The following SGCD variants were observed in gnomAD, a reference collection of about 807,000 sequenced individuals.
The protein encoded by SGCD is sarcoglycan delta.
Under a neutral mutation model 36.6 loss-of-function variants are expected in SGCD, and 18 were observed. The ratio of observed to expected loss-of-function variants is 0.49; its 90% CI spans 0.34 to 0.73. The LOEUF (loss-of-function observed/expected upper bound fraction) is 0.73. SGCD is among the 30% of genes least tolerant of loss of function. The probability of loss-of-function intolerance (pLI) is 0.01; values close to 1 mark genes in which losing one functional copy is unlikely to be tolerated. For missense variants in SGCD, 387 were observed against 346.7 expected, an observed-to-expected ratio of 1.12 and a Z score of -0.92; for synonymous variants, 133 against 130.6, an observed-to-expected ratio of 1.02 and a Z score of -0.12.
chr5:156,186,603 C>T (rs1351163108), intron 3 of SGCD, among the ~76,000 whole-genome samples: 2 of 152,194 alleles, frequency 1.3e-5, no homozygotes, highest in African/African-American at 4.8e-5. Flanking sequence ...TTAATGCTCT[C>T]TCTGCTTACA....
intron 3 of SGCD, among the ~76,000 whole-genome samples, chr5:156,149,606 G>A (rs1762785845): frequency 6.6e-6 from 1 of 152,104 alleles, no homozygotes; most frequent in Admixed American, 6.5e-5. Flanking sequence ...CTTATCTTGA[G>A]ATAGATCAGT....
intron 3 of SGCD, among the ~76,000 whole-genome samples, chr5:156,379,243 A>G (rs1770847259): frequency 6.6e-6 from 1 of 152,214 alleles, no homozygotes; most frequent in African/African-American, 2.4e-5. Context: ...AAGGAGGAAA[A>G]ATAAGTCATA....
the SGCD span, among the ~76,000 whole-genome samples, chr5:155,783,823 C>G: frequency 1.3e-5 from 2 of 151,986 alleles, no homozygotes; most frequent in African/African-American, 4.8e-5. Flanking sequence ...ATTTTGAACA[C>G]GATATGTGGT....
At chr5:156,710,719 T>A (rs1163426859) in intron 7 of SGCD, among the ~76,000 whole-genome samples, 2 of 152,180 alleles carry the variant, frequency 1.3e-5, no homozygotes, top group Non-Finnish European at 2.9e-5. Flanking sequence ...TCGGTTTAGA[T>A]AAGGGATTGT....
rs143114804 is a variant in SGCD, at chr5:156,449,160, CCTAA to C, written c.193-59438_193-59435del. Among the ~76,000 whole-genome samples the C allele has an allele frequency of 9.1e-3, 1,392 of 152,242 alleles. 19 individuals carry two copies. Among genetic ancestry groups the C allele is most frequent in the African/African-American group, 0.032 (1,316 of 41,538 alleles). Reference sequence around the variant, plus strand: ...TTCTTTTTGACTGAAGTCTTCAGCTCCTAACTGTGTGTTCTTTAAGAGATCAGTT... The same window carrying C: ...TTCTTTTTGACTGAAGTCTTCAGCTCCTGTGTGTTCTTTAAGAGATCAGTT... On this transcript the variant is annotated intron_variant, in intron 3 of 8. Coordinates refer to ENST00000337851, the MANE Select transcript of SGCD (RefSeq NM_000337.6).
At chr5:156,591,491 C>G (rs901291565) in intron 5 of SGCD, among the ~76,000 whole-genome samples, 1 of 152,126 alleles carries the variant, frequency 6.6e-6, no homozygotes, top group Non-Finnish European at 1.5e-5. Context: ...AGTGGAGATG[C>G]TTTGGACAGC....
At chr5:156,447,930 G>A (rs998179178) in intron 3 of SGCD, among the ~76,000 whole-genome samples, 1 of 152,070 alleles carries the variant, frequency 6.6e-6, no homozygotes, top group Non-Finnish European at 1.5e-5. Flanking sequence ...AAACACCTTT[G>A]TTAATCTCTG....
At chr5:156,634,448 A>C (rs1762747766) in intron 6 of SGCD, among the ~76,000 whole-genome samples, 1 of 151,794 alleles carries the variant, frequency 6.6e-6, no homozygotes, top group Non-Finnish European at 1.5e-5. Context: ...AGAAAAAACA[A>C]AGGAAAACAG....
At chr5:156,622,698 C>T (rs1369669036) in intron 6 of SGCD, among the ~76,000 whole-genome samples, 2 of 151,940 alleles carry the variant, frequency 1.3e-5, no homozygotes, top group South Asian at 2.1e-4. Flanking sequence ...TATGACTGGA[C>T]AAAGGGGGGT....
chr5:156,654,679 C>T (rs1763605421), intron 7 of SGCD, among the ~76,000 whole-genome samples: 2 of 152,084 alleles, frequency 1.3e-5, no homozygotes, highest in African/African-American at 4.8e-5. Flanking sequence ...TTGTGGAGCC[C>T]TGCTGTCTGT....
At chr5:156,609,707 C>T (rs1037259113) in intron 6 of SGCD, among the ~76,000 whole-genome samples, 1 of 152,336 alleles carries the variant, frequency 6.6e-6, no homozygotes. Context: ...TTGGTCTTTT[C>T]ACATAGTCCC....
At chr5:156,129,474 C>G (rs1307909814) in intron 3 of SGCD, among the ~76,000 whole-genome samples, 2 of 152,144 alleles carry the variant, frequency 1.3e-5, no homozygotes, top group African/African-American at 4.8e-5. Context: ...GTGCCTATGA[C>G]CCCATCTTTT....
At chr5:156,681,199 A>G (rs1753707150) in intron 7 of SGCD, among the ~76,000 whole-genome samples, 1 of 152,142 alleles carries the variant, frequency 6.6e-6, no homozygotes, top group Non-Finnish European at 1.5e-5. Context: ...GAACTGTTTG[A>G]AAGGTATTGA....
At chr5:156,388,444 C>A (rs1477990420) in intron 3 of SGCD, among the ~76,000 whole-genome samples, 1 of 152,164 alleles carries the variant, frequency 6.6e-6, no homozygotes, top group African/African-American at 2.4e-5. Context: ...AATCAAACGA[C>A]TATCAGATGT....
At chr5:156,756,845 C>T (rs111396827) in intron 7 of SGCD, among the ~76,000 whole-genome samples, 1 of 152,190 alleles carries the variant, frequency 6.6e-6, no homozygotes, top group Non-Finnish European at 1.5e-5. Context: ...CCTCCCCTCC[C>T]AGCCCCTGGC....
rs753028115 is a variant in SGCD, at chr5:156,765,340, C to A, written c.*5950C>A. 1.3e-5 allele frequency: 2 copies of A among 152,186 alleles called. No individual in the cohort carries two copies. The highest frequency in any genetic ancestry group is 2.4e-5 in the African/African-American group (1 of 41,452). 9.4% of individuals were successfully genotyped at this position (152,186 alleles called of 1,614,324 possible). A position where few individuals can be genotyped will look rare whatever the true frequency, so the allele number is the denominator to read the frequency against. ...AGGGCAGGAAGACGACACTTGTCAA[C>A]AAGGAAGACAGTGTTTCTTTAGTTC... On this transcript the variant is annotated 3_prime_UTR_variant, in exon 9 of 9. Coordinates refer to ENST00000337851, the MANE Select transcript of SGCD (RefSeq NM_000337.6).
At chr5:156,349,562 C>A (rs1425099070) in intron 3 of SGCD, among the ~76,000 whole-genome samples, 1 of 151,780 alleles carries the variant, frequency 6.6e-6, no homozygotes, top group East Asian at 1.9e-4. Flanking sequence ...TTACCCAAAG[C>A]AGAATGGCTA....
intron 3 of SGCD, among the ~76,000 whole-genome samples, chr5:156,277,280 T>C (rs934736409): frequency 2.6e-5 from 4 of 152,156 alleles, no homozygotes; most frequent in Non-Finnish European, 5.9e-5. Flanking sequence ...TGCCTCTTCC[T>C]TTCCCTCTCT....
intron 3 of SGCD, among the ~76,000 whole-genome samples, chr5:156,280,107 A>G (rs1157419185): frequency 6.6e-6 from 1 of 152,074 alleles, no homozygotes; most frequent in Non-Finnish European, 1.5e-5. Context: ...AAGATGTTGC[A>G]TTGACCAATA....
Sources: gnomAD v4.1 joint callset for allele counts (sites outside exome capture counted in the v4.1 genomes callset) on GRCh38, gnomAD v4.1.1 for gene constraint, MANE v1.5 for transcripts, NCBI Gene and HGNC (gene_info 2026-07-23, HGNC 2026-07-21) for gene names.